Variants in ARHGAP10 observed in about 807,000 individuals in gnomAD.
The protein encoded by ARHGAP10 is Rho GTPase activating protein 10, also known as rho GTPase-activating protein 10.
Under a neutral mutation model 108.6 loss-of-function variants are expected in ARHGAP10, and 87 were observed. That is an observed-to-expected ratio of 0.80 (90% CI 0.67 to 0.96). The LOEUF (loss-of-function observed/expected upper bound fraction) is 0.96. Among genes scored for constraint, ARHGAP10 ranks in the 40% least tolerant of loss-of-function variants. The pLI is 0.00. For synonymous variants in ARHGAP10, 347 were observed against 341.1 expected (o/e 1.02, Z -0.19); for missense variants, 939 against 954.5 (o/e 0.98, Z 0.21).
chr4:147,783,008 A>G (rs1001625871), intron 1 of ARHGAP10, among the ~76,000 whole-genome samples: 3 of 140,836 alleles, frequency 2.1e-5, no homozygotes, highest in African/African-American at 5.1e-5. Flanking sequence ...TATATAAATT[A>G]TATACTATAT....
intron 1 of ARHGAP10, among the ~76,000 whole-genome samples, chr4:147,804,447 G>C (rs1731700687): frequency 6.6e-6 from 1 of 152,146 alleles, no homozygotes; most frequent in Non-Finnish European, 1.5e-5. Flanking sequence ...ATTGTGAATA[G>C]TGCTGCGATG....
At chr4:148,064,050 A>G (rs2149691088) in intron 21 of ARHGAP10, among the ~76,000 whole-genome samples, 1 of 152,280 alleles carries the variant, frequency 6.6e-6, no homozygotes, top group South Asian at 2.1e-4. Context: ...GTGTGTCTCC[A>G]GGTGCGTGTG....
chr4:147,803,907 A>C (rs1731676654), intron 1 of ARHGAP10, among the ~76,000 whole-genome samples: 2 of 151,848 alleles, frequency 1.3e-5, no homozygotes, highest in Admixed American at 6.6e-5. Flanking sequence ...TGAGGTGTGC[A>C]GGTTTCCCTT....
At chr4:147,868,438 G>T (rs924867565) in intron 7 of ARHGAP10, among the ~76,000 whole-genome samples, 3 of 151,950 alleles carry the variant, frequency 2.0e-5, no homozygotes, top group African/African-American at 7.3e-5. Flanking sequence ...GCATCTCATT[G>T]TGTTGCCCAG....
At chr4:147,931,361 A>C (rs1209235127) in intron 13 of ARHGAP10, among the ~76,000 whole-genome samples, 2 of 152,176 alleles carry the variant, frequency 1.3e-5, no homozygotes, top group Non-Finnish European at 2.9e-5. Flanking sequence ...CCAGGTTACA[A>C]ATTTTTGTTA....
chr4:147,765,305 G>A (rs1298083637), intron 1 of ARHGAP10, among the ~76,000 whole-genome samples: 1 of 146,880 alleles, frequency 6.8e-6, no homozygotes, highest in African/African-American at 2.5e-5. Context: ...TTAGAACAGG[G>A]ATGGGTGTGT....
chr4:147,959,598 A>G (rs1244798370), intron 16 of ARHGAP10, among the ~76,000 whole-genome samples: 3 of 151,828 alleles, frequency 2.0e-5, no homozygotes, highest in Admixed American at 2.0e-4. Flanking sequence ...ATTCCCACCT[A>G]TGAGTGAGAA....
intron 18 of ARHGAP10, among the ~76,000 whole-genome samples, chr4:148,013,974 A>G (rs1741258530): frequency 6.6e-6 from 1 of 152,154 alleles, no homozygotes; most frequent in African/African-American, 2.4e-5. Flanking sequence ...CTGTGCTGCT[A>G]GTGGCACCCA....
At chr4:147,828,064 A>G (rs1732793404) in intron 3 of ARHGAP10, among the ~76,000 whole-genome samples, 1 of 152,128 alleles carries the variant, frequency 6.6e-6, no homozygotes, top group African/African-American at 2.4e-5. Context: ...CATTCACCCA[A>G]AGTGCTGGGA....
At chr4:147,847,597 C>T (rs1158332864) in intron 4 of ARHGAP10, among the ~76,000 whole-genome samples, 2 of 152,160 alleles carry the variant, frequency 1.3e-5, no homozygotes, top group African/African-American at 4.8e-5. Context: ...ATTATAGACG[C>T]TGCCACACTG....
At chr4:147,958,296 A>C (rs990033136) in intron 16 of ARHGAP10, among the ~76,000 whole-genome samples, 2 of 152,358 alleles carry the variant, frequency 1.3e-5, no homozygotes, top group East Asian at 3.9e-4. Context: ...TGACAACTAA[A>C]GGCTGAATGC....
chr4:147,751,417 G>A (rs558389071), intron 1 of ARHGAP10, among the ~76,000 whole-genome samples: 38 of 151,476 alleles, frequency 2.5e-4, no homozygotes, highest in Middle Eastern at 3.4e-3. Context: ...AGGCCAGGGT[G>A]CAGTGGCGTG....
chr4:148,006,291 A>G (rs1175543742), intron 18 of ARHGAP10, among the ~76,000 whole-genome samples: 2 of 152,200 alleles, frequency 1.3e-5, no homozygotes, highest in African/African-American at 4.8e-5. Context: ...CAGGCACTGG[A>G]CATGTGAAGA....
chr4:147,748,112 TCTAAACCCAGATACTCTTGAGA>T (rs1729010197), intron 1 of ARHGAP10, among the ~76,000 whole-genome samples: 1 of 152,212 alleles, frequency 6.6e-6, no homozygotes, highest in African/African-American at 2.4e-5. Context: ...GCCCATGTAA[TCTAAACCCAGATACTCTTGAGA>T]AGTACAGTTA....
At chr4:147,857,439 C>T (rs1265497883) in intron 4 of ARHGAP10, 114 bp from the exon 5 acceptor site, 8 of 1,048,236 alleles carry the variant, frequency 7.6e-6, no homozygotes, top group African/African-American at 3.3e-5. Context: ...TTATCACATT[C>T]AGAGTGGTGC....
chr4:147,735,092 C>A (rs761601335), intron 1 of ARHGAP10, among the ~76,000 whole-genome samples: 1 of 152,064 alleles, frequency 6.6e-6, no homozygotes, highest in Non-Finnish European at 1.5e-5. Flanking sequence ...GCCTATGCGA[C>A]CTGAAGGCTT....
At chr4:148,020,539 G>GTTTTTT (rs151004924) in intron 18 of ARHGAP10, among the ~76,000 whole-genome samples, 5 of 146,322 alleles carry the variant, frequency 3.4e-5, no homozygotes, top group African/African-American at 7.7e-5. Flanking sequence ...GAGAACATGC[G>GTTTTTT]TTTTTTGTTT....
chr4:147,732,427 C>T lies in ARHGAP10; in HGVS notation c.126C>T (p.Asp42=), dbSNP rs750145166. The T allele has an allele frequency of 4.3e-6, 7 of 1,612,484 alleles. No individual in the cohort carries two copies. In the East Asian group the frequency reaches 1.1e-4, roughly 26 times the overall value. The part of the protein sequence containing the change: ...TNKFIKELIK[D]GKNLIAATKS... ...AGTTCATCAAAGAGCTCATTAAGGA[C>T]GGGAAGAACCTCATCGCTGCGACGA... Residue 42 remains aspartate, a synonymous_variant, in exon 1 of 23, where the codon GAC becomes GAT. Transcript: ENST00000336498.
At chr4:147,750,090 A>G (rs1459282766) in intron 1 of ARHGAP10, among the ~76,000 whole-genome samples, 1 of 152,258 alleles carries the variant, frequency 6.6e-6, no homozygotes, top group Non-Finnish European at 1.5e-5. Flanking sequence ...CAAAGAGGCA[A>G]CTTTGTAAAG....
Sources: gnomAD v4.1 joint callset for allele counts (sites outside exome capture counted in the v4.1 genomes callset) on GRCh38, gnomAD v4.1.1 for gene constraint, MANE v1.5 for transcripts, NCBI Gene and HGNC (gene_info 2026-07-23, HGNC 2026-07-21) for gene names.